The following RMDN1 variants were observed in gnomAD, a reference collection of about 807,000 sequenced individuals.
RMDN1 encodes the protein regulator of microtubule dynamics protein 1.
RMDN1 carries 48 observed loss-of-function variants against 48.9 expected under a neutral mutation model. The observed-to-expected ratio is 0.98, with a 90% CI of 0.78 to 1.25. RMDN1 has a LOEUF of 1.25. Among genes scored for constraint, RMDN1 ranks in the 50% most tolerant of loss-of-function variants. The probability of loss-of-function intolerance (pLI) is 0.00; values close to 1 mark genes in which losing one functional copy is unlikely to be tolerated. For synonymous variants in RMDN1, 148 were observed against 132.6 expected (o/e 1.12, Z -0.80); for missense variants, 418 against 373.4 (o/e 1.12, Z -0.98).
intron 2 of RMDN1, among the ~76,000 whole-genome samples, chr8:86,506,517 T>C (rs1010363518): frequency 6.6e-6 from 1 of 152,178 alleles, no homozygotes; most frequent in Non-Finnish European, 1.5e-5. Flanking sequence ...CTTGAGAGGA[T>C]GAATATGTGT....
chr8:86,485,587 G>T (rs1030352802), intron 4 of RMDN1, among the ~76,000 whole-genome samples: 1 of 152,160 alleles, frequency 6.6e-6, no homozygotes, highest in Non-Finnish European at 1.5e-5. Context: ...ATATGTAATT[G>T]AATGTTTTAT....
chr8:86,511,814 C>G (rs1382848081), upstream of RMDN1, among the ~76,000 whole-genome samples: 4 of 121,360 alleles, frequency 3.3e-5, no homozygotes, highest in Non-Finnish European at 6.6e-5. Flanking sequence ...GAACCTGTCT[C>G]TCAAAAAAAA....
Position 86,472,610 on chromosome 8 carries a change from A to G in RMDN1, c.*1698T>C, listed in dbSNP as rs1812723667. On this transcript the variant is annotated 3_prime_UTR_variant, in exon 10 of 10. Coordinates refer to ENST00000406452, the MANE Select transcript of RMDN1 (RefSeq NM_016033.3). ...GTTTCTGGTGATGCTACTGTTGCCT[A>G]GCTACCCTGACCACATTATTTTTTC... 3.2e-6 allele frequency: 2 copies of G among 633,240 alleles called. No homozygotes were observed. The highest frequency in any genetic ancestry group is 2.8e-6 in the Non-Finnish European group (1 of 356,448). 39.2% of individuals were successfully genotyped at this position (633,240 alleles called of 1,614,324 possible).
intron 2 of RMDN1, among the ~76,000 whole-genome samples, chr8:86,488,919 A>G (rs915828371): frequency 2.6e-5 from 4 of 152,238 alleles, no homozygotes; most frequent in African/African-American, 9.6e-5. Flanking sequence ...AACAATAAAT[A>G]TAACACTAAC....
chr8:86,503,866 G>A (rs570487239), intron 2 of RMDN1: 19 of 629,740 alleles, frequency 3.0e-5, no homozygotes, highest in Middle Eastern at 3.1e-4. Context: ...AATGCTTATC[G>A]TCAACCTGTT....
upstream of RMDN1, chr8:86,508,907 C>G (rs1369085835): frequency 1.4e-6 from 1 of 697,996 alleles, no homozygotes; most frequent in East Asian, 5.0e-5. Context: ...GTTTCTGCTC[C>G]ATCTCTCTAG....
At position 86,488,677 on chromosome 8, in the gene RMDN1, A is replaced by G. The variant is rs186243104; in HGVS notation, c.248-38T>C. On this transcript the variant is annotated intron_variant, in intron 2 of 9. Coordinates refer to ENST00000406452, the MANE Select transcript of RMDN1 (RefSeq NM_016033.3). ...TAAAGGAAAAAAGACACAATAAAAT[A>G]GGTCTTCCCAAGTCAGATGACAATA... 8.0e-4 allele frequency: 1,120 copies of G among 1,403,688 alleles called. 2 individuals are homozygous for G. Among genetic ancestry groups the G allele is most frequent in the Non-Finnish European group, 9.9e-4 (995 of 1,001,420 alleles). 87.0% of individuals were successfully genotyped at this position (1,403,688 alleles called of 1,614,324 possible).
At position 86,474,170 on chromosome 8, in the gene RMDN1, G is replaced by C. The variant is rs1342633940; in HGVS notation, c.*138C>G. The C allele has an allele frequency of 3.5e-6, 5 of 1,420,952 alleles. No individual in the cohort carries two copies. The highest frequency in any genetic ancestry group is 4.6e-6 in the Non-Finnish European group (5 of 1,088,958). 88.0% of individuals were successfully genotyped at this position (1,420,952 alleles called of 1,614,324 possible). On this transcript the variant is annotated 3_prime_UTR_variant, in exon 10 of 10. Transcript: ENST00000406452. The stretch of plus-strand genomic sequence containing the variant: ...ACCCTATTATTTGTGAAGAAGCCTA[G>C]AATATTTTATATTTACACGGTTAAA...
chr8:86,475,184 T>C (rs934322183), intron 8 of RMDN1: 1 of 380,428 alleles, frequency 2.6e-6, no homozygotes, highest in African/African-American at 2.1e-5. Context: ...TACACATTTC[T>C]CATTTTCACA....
chr8:86,492,430 A>C (rs968879019), intron 2 of RMDN1, among the ~76,000 whole-genome samples: 1 of 152,020 alleles, frequency 6.6e-6, no homozygotes, highest in Non-Finnish European at 1.5e-5. Context: ...AGGCGGGTGG[A>C]TCACCTGAGG....
chr8:86,497,543 A>G (rs1650348378), intron 2 of RMDN1, among the ~76,000 whole-genome samples: 1 of 151,906 alleles, frequency 6.6e-6, no homozygotes, highest in Non-Finnish European at 1.5e-5. Flanking sequence ...TCCACTAAAA[A>G]TACAAAAATT....
downstream of RMDN1, chr8:86,468,319 T>G: frequency 2.3e-6 from 1 of 432,066 alleles, no homozygotes; most frequent in Non-Finnish European, 4.5e-6. Context: ...TGTTCTCCAT[T>G]TTATTCAGAA....
intron 6 of RMDN1, 94 bp downstream of exon 6, chr8:86,480,183 T>G: frequency 1.6e-6 from 1 of 617,374 alleles, no homozygotes. Flanking sequence ...TTTTAAAATA[T>G]TTAATATCTT....
In RMDN1 at chr8:86,472,825, G is replaced by A; in HGVS notation, c.*1483C>T. 2 of 223,462 alleles carry A rather than the reference G, an allele frequency of 9.0e-6. No individual in the cohort carries two copies. The highest frequency in any genetic ancestry group is 1.7e-5 in the Non-Finnish European group (2 of 114,814). 13.8% of individuals were successfully genotyped at this position (223,462 alleles called of 1,614,324 possible). On this transcript the variant is annotated 3_prime_UTR_variant, in exon 10 of 10. Transcript: ENST00000406452. The stretch of plus-strand genomic sequence containing the variant: ...CCACAAATTACCCACATGAGTGGCT[G>A]AGATAATGACACCTTTGCTTTCTGA...
chr8:86,489,697 G>C (rs182998916), intron 2 of RMDN1, among the ~76,000 whole-genome samples: 1 of 152,188 alleles, frequency 6.6e-6, no homozygotes, highest in East Asian at 1.9e-4. Flanking sequence ...GGGCGTGATG[G>C]CGTGCGCCTG....
At chr8:86,511,880 A>C (rs1450820394), upstream of RMDN1, among the ~76,000 whole-genome samples, 2 of 152,150 alleles carry the variant, frequency 1.3e-5, no homozygotes, top group African/African-American at 2.4e-5. Flanking sequence ...TAAAAATGTG[A>C]CTGAAAGAGT....
rs561164711 is a variant in RMDN1 at position 86,472,373 on chromosome 8, C to T, written c.*1935G>A. ...ATGCAGGTGCACAACACAGTTTATT[C>T]GGTCTCCCTAAAGGAAAAAACCCAT... On this transcript the variant is annotated 3_prime_UTR_variant, in exon 10 of 10. Coordinates refer to ENST00000406452, the MANE Select transcript of RMDN1 (RefSeq NM_016033.3). 3 of 700,380 alleles carry T rather than the reference C, an allele frequency of 4.3e-6. No homozygotes were observed. Among genetic ancestry groups the T allele is most frequent in the African/African-American group, 1.7e-5 (1 of 57,306 alleles). 43.4% of individuals were successfully genotyped at this position (700,380 alleles called of 1,614,324 possible).
chr8:86,508,277 A>G (rs769009799), intron 1 of RMDN1: 93 of 488,070 alleles, frequency 1.9e-4, no homozygotes, highest in Non-Finnish European at 3.1e-4. Context: ...CGTGGGGGCA[A>G]ACCCCACTCC....
chr8:86,470,169 T>C (rs771848073), downstream of RMDN1: 28 of 1,288,366 alleles, frequency 2.2e-5, no homozygotes, highest in South Asian at 7.4e-5. Context: ...TGGAGAGATA[T>C]AGCCTATGTA....
Sources: gnomAD v4.1 joint callset for allele counts (sites outside exome capture counted in the v4.1 genomes callset) on GRCh38, gnomAD v4.1.1 for gene constraint, MANE v1.5 for transcripts, NCBI Gene and HGNC (gene_info 2026-07-23, HGNC 2026-07-21) for gene names.